Variants in ANKRD27 observed in about 807,000 individuals in gnomAD.
The protein encoded by ANKRD27 is ankyrin repeat domain-containing protein 27.
ANKRD27 carries 112 observed loss-of-function variants against 129.7 expected under a neutral mutation model. The ratio of observed to expected loss-of-function variants is 0.86; its 90% CI spans 0.74 to 1.01. The LOEUF is 1.01. Among genes scored for constraint, ANKRD27 ranks in the 50% least tolerant of loss-of-function variants. The pLI, the probability that ANKRD27 is intolerant of heterozygous loss-of-function variation, is 0.00. For missense variants in ANKRD27, 1,258 were observed against 1,300.5 expected, an observed-to-expected ratio of 0.97 and a Z score of 0.50; for synonymous variants, 516 against 511.2, an observed-to-expected ratio of 1.01 and a Z score of -0.13.
At chr19:32,616,548 C>CAA (rs5827811) in intron 21 of ANKRD27, among the ~76,000 whole-genome samples, 42,242 of 92,776 alleles carry the variant, frequency 0.46, 10,476 homozygotes, top group Non-Finnish European at 0.62. Flanking sequence ...GACTCCGTCT[C>CAA]AAAAAAAAAA....
intron 1 of ANKRD27, among the ~76,000 whole-genome samples, chr19:32,660,441 C>T (rs1364826815): frequency 6.6e-6 from 1 of 152,120 alleles, no homozygotes; most frequent in Non-Finnish European, 1.5e-5. Flanking sequence ...TTGGGACTGC[C>T]CAGGAGGCAG....
rs746080196 is a variant in ANKRD27 at position 32,639,413 on chromosome 19, G to A, written c.1059C>T (p.Thr353=). The A allele has an allele frequency of 1.2e-6, 2 of 1,614,210 alleles. No homozygotes were observed. The highest frequency in any genetic ancestry group is 1.7e-6 in the Non-Finnish European group (2 of 1,180,046). ...TATATTCAATGGCAGCTTCGAATGA[G>A]GTCAGGCAGTATCCCAGTTCATCCT... ...LAKDELGYCL[T]SFEAAIEYIR... The change falls in exon 12 of 29, where the codon ACC becomes ACT. Residue 353 remains threonine, a synonymous_variant. Coordinates refer to ENST00000306065, the MANE Select transcript of ANKRD27 (RefSeq NM_032139.3).
At chr19:32,659,211 A>G (rs1308282481) in intron 1 of ANKRD27, among the ~76,000 whole-genome samples, 166 bp from the exon 2 acceptor site, 4 of 141,122 alleles carry the variant, frequency 2.8e-5, no homozygotes, top group African/African-American at 1.1e-4. Flanking sequence ...CCTCGGGAGT[A>G]GCTGGGACTA....
At chr19:32,640,156 G>T in intron 11 of ANKRD27, 151 bp downstream of exon 11, 4 of 515,870 alleles carry the variant, frequency 7.8e-6, no homozygotes, top group Non-Finnish European at 3.6e-6. Context: ...GTAGAGACGG[G>T]GTTTCACCGT....
chr19:32,620,246 CAAAAT>C (rs1423775508), intron 18 of ANKRD27, among the ~76,000 whole-genome samples: 3 of 146,128 alleles, frequency 2.1e-5, no homozygotes, highest in Non-Finnish European at 4.5e-5. Flanking sequence ...CACACACACA[CAAAAT>C]AATTTAAAAA....
At chr19:32,608,888 C>A (rs1462830581) in intron 22 of ANKRD27, among the ~76,000 whole-genome samples, 1 of 152,068 alleles carries the variant, frequency 6.6e-6, no homozygotes, top group Non-Finnish European at 1.5e-5. Context: ...ACCCAGGAGG[C>A]GAAGGTTGCA....
At chr19:32,627,397 TATTTATTTATTTA>T (rs1568405372) in intron 15 of ANKRD27, among the ~76,000 whole-genome samples, 24,536 of 82,842 alleles carry the variant, frequency 0.3, 3,382 homozygotes, top group Non-Finnish European at 0.37. Context: ...TTTATTTATT[TATTTATTTATTTA>T]TTTTTTGAGA....
chr19:32,632,995 G>A (rs1006616933), intron 12 of ANKRD27, among the ~76,000 whole-genome samples: 1 of 152,192 alleles, frequency 6.6e-6, no homozygotes, highest in South Asian at 2.1e-4. Context: ...CCCAGCTGCT[G>A]TGTGCCATAT....
chr19:32,631,367 C>T (rs1278779254), intron 13 of ANKRD27, 35 bp downstream of exon 13: 1 of 1,577,654 alleles, frequency 6.3e-7, no homozygotes, highest in Non-Finnish European at 8.7e-7. Flanking sequence ...TGTTCCTCAC[C>T]CACATTTACC....
chr19:32,642,197 C>T (rs1176237327), intron 9 of ANKRD27, 52 bp from the exon 10 acceptor site: 4 of 1,500,356 alleles, frequency 2.7e-6, no homozygotes, highest in African/African-American at 2.8e-5. Flanking sequence ...AGAGAACCCT[C>T]TGGCCTGGAT....
At chr19:32,629,747 A>C (rs370542806) in intron 13 of ANKRD27, among the ~76,000 whole-genome samples, 23 of 152,034 alleles carry the variant, frequency 1.5e-4, no homozygotes, top group African/African-American at 5.1e-4. Context: ...AAAATCCATA[A>C]AGCAATAGGA....
rs758921357 is a variant in ANKRD27 at position 32,643,201 on chromosome 19, TAAC to T, written c.706-5_706-3del. 3 of 1,614,130 alleles carry T rather than the reference TAAC, an allele frequency of 1.9e-6. No homozygotes were observed. The South Asian group carries it at 3.3e-5, about 18-fold the overall frequency. ...TGTGATTTTGTTAAAGGCCGCATCC[TAAC>T]AACAGATTTTAACGAACCTTCAAAT... On this transcript the variant is annotated splice_polypyrimidine_tract_variant and splice_region_variant and intron_variant, in intron 8 of 28. Coordinates refer to ENST00000306065, the MANE Select transcript of ANKRD27 (RefSeq NM_032139.3).
chr19:32,622,702 A>G (rs1972032143), intron 17 of ANKRD27, 83 bp from the exon 18 acceptor site: 1 of 1,303,946 alleles, frequency 7.7e-7, no homozygotes, highest in Non-Finnish European at 1.1e-6. Context: ...CTCCTCACCA[A>G]GCAAATGTGC....
intron 14 of ANKRD27, 105 bp downstream of exon 14, chr19:32,628,617 G>C: frequency 7.0e-7 from 1 of 1,434,238 alleles, no homozygotes; most frequent in Non-Finnish European, 9.5e-7. Context: ...CTGGGGGGCA[G>C]GGAGGACAGT....
In ANKRD27 at chr19:32,644,306, G is replaced by A. The variant is rs767702093; in HGVS notation, c.525+19C>T. The A allele has an allele frequency of 3.1e-6, 5 of 1,607,578 alleles. No homozygotes were observed. Among genetic ancestry groups the A allele is most frequent in the Non-Finnish European group, 4.3e-6 (5 of 1,175,774 alleles). On this transcript the variant is annotated intron_variant, in intron 5 of 28. Transcript: ENST00000306065. The stretch of plus-strand genomic sequence containing the variant: ...ACCGAGACAGGGCACGCCAGGCAGA[G>A]GACAGCACGGCTACTGACTATGTGG...
intron 17 of ANKRD27, among the ~76,000 whole-genome samples, chr19:32,623,995 C>T (rs1262489795): frequency 6.6e-6 from 1 of 152,168 alleles, no homozygotes; most frequent in African/African-American, 2.4e-5. Flanking sequence ...TGTAAGTCCT[C>T]CCAGCAAATC....
intron 12 of ANKRD27, among the ~76,000 whole-genome samples, chr19:32,633,650 T>C (rs1967040322): frequency 1.3e-5 from 2 of 152,028 alleles, no homozygotes; most frequent in South Asian, 4.1e-4. Flanking sequence ...TCTCTCTTTT[T>C]TTCATTCACA....
rs1159103994 is a variant in ANKRD27 at position 32,622,480 on chromosome 19, G to T, written c.1769C>A (p.Ser590Tyr). The T allele has an allele frequency of 6.2e-7, 1 of 1,613,902 alleles. No homozygotes were observed. Among genetic ancestry groups the T allele is most frequent in the Non-Finnish European group, 8.5e-7 (1 of 1,180,032 alleles). Residue 590 changes from serine (S) to tyrosine (Y), a missense_variant, in exon 18 of 29, where the codon TCC becomes TAC. By Grantham distance (144) the Ser-to-Tyr change is moderately radical. Transcript: ENST00000306065. Reference protein sequence around the residue: ...VIETLLQNGASTEIQNRLKET... With the variant: ...VIETLLQNGAYTEIQNRLKET... ...CTTCAGTCTGTTCTGGATCTCGGTGGACGCTCCGTTCTGCAGCAATGTCTC... is the reference window on the plus strand; with the variant it reads ...CTTCAGTCTGTTCTGGATCTCGGTGTACGCTCCGTTCTGCAGCAATGTCTC...
At position 32,628,131 on chromosome 19, in the gene ANKRD27, A is replaced by G; in HGVS notation, c.1372T>C (p.Ser458Pro). Residue 458 changes from serine (S) to proline (P), a missense_variant, in exon 15 of 29, where the codon TCC (serine) becomes CCC (proline). Ser to Pro is a moderately conservative substitution (Grantham distance 74, BLOSUM62 -1). Transcript: ENST00000306065. ...LNDPSVVTPF[S>P]RDDRGHTPLH... ...GGGGTGTGCCCCCTGTCGTCTCTGG[A>G]GAATGGAGTGACAACTGAGGGATCA... is the stretch of plus-strand genomic sequence containing the variant. 6.2e-7 allele frequency: 1 copy of G among 1,614,220 alleles called. No homozygotes were observed. The highest frequency in any genetic ancestry group is 8.5e-7 in the Non-Finnish European group (1 of 1,180,020).
Sources: allele counts gnomAD v4.1 joint callset (sites outside exome capture counted in the v4.1 genomes callset), GRCh38; gene constraint gnomAD v4.1.1; transcripts MANE v1.5; gene names NCBI Gene and HGNC (gene_info 2026-07-23, HGNC 2026-07-21).